Variants in APOLD1 observed in about 807,000 individuals in gnomAD.
APOLD1 encodes apolipoprotein L domain-containing protein 1.
Under a neutral mutation model 15.3 loss-of-function variants are expected in APOLD1, and 22 were observed. That is an observed-to-expected ratio of 1.44 (90% CI 1.03 to 2.05). The LOEUF is 2.05. Among genes scored for constraint, APOLD1 ranks in the 30% most tolerant of loss-of-function variants. APOLD1 has a pLI of 0.00. For missense variants in APOLD1, 394 were observed against 353.5 expected (o/e 1.11, Z -0.92); for synonymous variants, 190 against 167.4 (o/e 1.13, Z -1.04).
intron 1 of APOLD1, among the ~76,000 whole-genome samples, chr12:12,738,352 G>A (rs1342508516): frequency 6.6e-6 from 1 of 151,970 alleles, no homozygotes; most frequent in African/African-American, 2.4e-5. Context: ...GGGACTGCAG[G>A]TGTATGCCAC....
intron 1 of APOLD1, among the ~76,000 whole-genome samples, chr12:12,744,116 G>A (rs1433087834): frequency 6.6e-6 from 1 of 152,134 alleles, no homozygotes; most frequent in Non-Finnish European, 1.5e-5. Context: ...AGGAGTTTGA[G>A]ACCAGCCTGG....
chr12:12,746,586 G>C (rs781777315), intron 1 of APOLD1, among the ~76,000 whole-genome samples: 3 of 152,156 alleles, frequency 2.0e-5, no homozygotes, highest in African/African-American at 7.2e-5. Flanking sequence ...GAACTCTGAT[G>C]TCTTCATAAA....
At chr12:12,761,455 A>G (rs1010041059) in intron 1 of APOLD1, among the ~76,000 whole-genome samples, 1 of 152,166 alleles carries the variant, frequency 6.6e-6, no homozygotes, top group Admixed American at 6.5e-5. Flanking sequence ...GAAATTGTTT[A>G]ATCTCTACTC....
intron 1 of APOLD1, among the ~76,000 whole-genome samples, chr12:12,730,102 C>T (rs1290766294): frequency 1.3e-5 from 2 of 148,368 alleles, no homozygotes; most frequent in African/African-American, 5.0e-5. Flanking sequence ...GAGAGACAGA[C>T]AGGTTCTTGC....
intron 1 of APOLD1, among the ~76,000 whole-genome samples, chr12:12,728,172 G>A (rs1272372960): frequency 4.0e-5 from 6 of 151,802 alleles, no homozygotes; most frequent in African/African-American, 1.5e-4. Context: ...TTGCTATGTT[G>A]ACCAGGCTGG....
chr12:12,781,648 C>G (rs558041593), upstream of APOLD1, among the ~76,000 whole-genome samples: 1 of 151,376 alleles, frequency 6.6e-6, no homozygotes, highest in Admixed American at 6.6e-5. Flanking sequence ...CTGCCTCAGC[C>G]TCCCGAATAG....
At chr12:12,744,714 C>T (rs746282301) in intron 1 of APOLD1, among the ~76,000 whole-genome samples, 8 of 152,302 alleles carry the variant, frequency 5.3e-5, no homozygotes, top group South Asian at 4.1e-4. Context: ...TATAAATTTC[C>T]GGGGTGCTCT....
chr12:12,745,339 C>T (rs536531868), intron 1 of APOLD1, among the ~76,000 whole-genome samples: 5 of 152,148 alleles, frequency 3.3e-5, no homozygotes, highest in East Asian at 3.9e-4. Context: ...GTCAGGAGTT[C>T]GTGACCAGCC....
chr12:12,786,179 T>C (rs773111474), intron 1 of APOLD1, among the ~76,000 whole-genome samples: 2 of 152,202 alleles, frequency 1.3e-5, no homozygotes, highest in Non-Finnish European at 2.9e-5. Flanking sequence ...AAAACTTTCA[T>C]AACAAAGAGA....
chr12:12,773,981 T>C lies in APOLD1; in HGVS notation c.97-12928T>C, dbSNP rs188110018. On this transcript the variant is annotated intron_variant, in intron 1 of 1. Transcript: ENST00000326765. ...GACCTAAGAGTAAAACATAAAACTA[T>C]AAAATTCCTAGAAGATAACAGGAAA... 9.4e-4 allele frequency among the ~76,000 whole-genome samples: 143 copies of C among 152,114 alleles called. 1 individual carries two copies. The highest frequency in any genetic ancestry group is 3.4e-3 in the African/African-American group (141 of 41,514).
chr12:12,742,548 C>CCT (rs1946736230), intron 1 of APOLD1, among the ~76,000 whole-genome samples: 1 of 152,058 alleles, frequency 6.6e-6, no homozygotes, highest in African/African-American at 2.4e-5. Flanking sequence ...GGGTGGATCA[C>CCT]AAGGTCAGGA....
At chr12:12,726,241 C>A in intron 1 of APOLD1, 1 of 735,130 alleles carries the variant, frequency 1.4e-6, no homozygotes, top group South Asian at 1.7e-5. Flanking sequence ...ATAATTCAGC[C>A]AGTCGGTGTC....
At chr12:12,726,267 A>C in intron 1 of APOLD1, 1 of 726,054 alleles carries the variant, frequency 1.4e-6, no homozygotes, top group Non-Finnish European at 2.4e-6. Context: ...TATTGAATTA[A>C]ATTTTAAAAA....
intron 1 of APOLD1, among the ~76,000 whole-genome samples, chr12:12,763,599 A>G (rs951954762): frequency 1.3e-5 from 2 of 152,220 alleles, no homozygotes; most frequent in African/African-American, 4.8e-5. Context: ...TTTGCATTCT[A>G]TCAGGTATTA....
chr12:12,751,871 G>A (rs1033937854), intron 1 of APOLD1, among the ~76,000 whole-genome samples: 5 of 152,234 alleles, frequency 3.3e-5, no homozygotes, highest in African/African-American at 1.2e-4. Context: ...GGAAGAGTCA[G>A]TAAAATAAAG....
chr12:12,731,013 C>T (rs202120666), intron 1 of APOLD1, among the ~76,000 whole-genome samples: 7 of 151,950 alleles, frequency 4.6e-5, no homozygotes, highest in Non-Finnish European at 8.8e-5. Context: ...TGGTGGCGGG[C>T]GCCTGTAGTC....
chr12:12,772,693 A>T (rs1251429115), intron 1 of APOLD1, among the ~76,000 whole-genome samples: 2 of 152,200 alleles, frequency 1.3e-5, no homozygotes, highest in African/African-American at 2.4e-5. Context: ...TGTTCTTCTC[A>T]AAGTCATATA....
At chr12:12,729,421 G>GT (rs1446148130) in intron 1 of APOLD1, among the ~76,000 whole-genome samples, 1 of 152,070 alleles carries the variant, frequency 6.6e-6, no homozygotes, top group Admixed American at 6.6e-5. Flanking sequence ...TTCATAAGAT[G>GT]TAATTTTTTT....
intron 1 of APOLD1, among the ~76,000 whole-genome samples, chr12:12,743,764 G>T (rs980252195): frequency 1.3e-5 from 2 of 152,202 alleles, no homozygotes; most frequent in African/African-American, 4.8e-5. Flanking sequence ...TAATCACAAG[G>T]GTCCTGAATC....
Sources: gnomAD v4.1 joint callset for allele counts (sites outside exome capture counted in the v4.1 genomes callset) on GRCh38, gnomAD v4.1.1 for gene constraint, MANE v1.5 for transcripts, NCBI Gene and HGNC (gene_info 2026-07-23, HGNC 2026-07-21) for gene names.